Variants in TNFRSF21 observed in about 807,000 individuals in gnomAD.
TNFRSF21 encodes TNF receptor superfamily member 21.
In TNFRSF21, 19 loss-of-function variants were observed where a neutral mutation model predicts 45.6. The ratio of observed to expected loss-of-function variants is 0.42; its 90% confidence interval spans 0.29 to 0.61. The LOEUF is 0.61. TNFRSF21 is among the 20% of genes least tolerant of loss of function. TNFRSF21 has a pLI of 0.23. For synonymous variants in TNFRSF21, 314 were observed against 335.5 expected, an observed-to-expected ratio of 0.94 and a Z score of 0.70; for missense variants, 737 against 851.5, an observed-to-expected ratio of 0.87 and a Z score of 1.67.
rs755740604 is a variant in TNFRSF21 at position 47,286,529 on chromosome 6, G to T, written c.163C>A (p.Arg55Ser). ...TGGCCGGTGGCACGGTCAACATGGC[G>T]GTATGTGCCAATGAGATTCGAGGCC... ...QKASNLIGTY[R>S]HVDRATGQVL... is the part of the protein sequence containing the mutation. The change falls in exon 2 of 6, where the codon CGC (arginine) becomes AGC (serine). Residue 55 changes from arginine to serine, a missense_variant. Arg to Ser is a moderately radical substitution (Grantham distance 110). Transcript: ENST00000296861. 6.2e-7 allele frequency: 1 copy of T among 1,614,082 alleles called. No homozygotes were observed. The highest frequency in any genetic ancestry group is 1.1e-5 in the South Asian group (1 of 91,070).
intron 4 of TNFRSF21, among the ~76,000 whole-genome samples, chr6:47,238,063 GA>G (rs537367445): frequency 9.2e-5 from 14 of 152,132 alleles, no homozygotes; most frequent in African/African-American, 2.4e-4. Flanking sequence ...AAAAAAGAAA[GA>G]AAAAAAGATA....
intron 3 of TNFRSF21, among the ~76,000 whole-genome samples, chr6:47,269,027 A>G (rs1300568436): frequency 3.3e-5 from 5 of 152,214 alleles, no homozygotes; most frequent in Non-Finnish European, 7.3e-5. Flanking sequence ...CATGTCAAAT[A>G]TAAAGAGCAC....
intron 1 of TNFRSF21, among the ~76,000 whole-genome samples, chr6:47,294,335 G>A (rs1290595531): frequency 6.6e-6 from 1 of 152,144 alleles, no homozygotes. Context: ...GTAGAGACAG[G>A]GTTTCACCAT....
chr6:47,271,537 C>A (rs1454279935), intron 3 of TNFRSF21, among the ~76,000 whole-genome samples: 1 of 152,176 alleles, frequency 6.6e-6, no homozygotes. Context: ...AGAGAAACAA[C>A]CAGTATCAGC....
rs1420370260 is a variant in TNFRSF21, at chr6:47,283,969, C to G, written c.1212G>C (p.Arg404=). The stretch of plus-strand genomic sequence containing the variant: ...CATTGCAGTAGTAGATCCATTTCTC[C>G]CGGTTCTGGGTTGGAGTCATGGATT... ...LKKSMTPTQN[R]EKWIYYCNGH... The change falls in exon 3 of 6, where the codon CGG becomes CGC. Residue 404 remains arginine, a synonymous_variant. Transcript: ENST00000296861. The G allele has an allele frequency of 1.4e-5, 22 of 1,614,012 alleles. No individual in the cohort carries two copies. The highest frequency in any genetic ancestry group is 1.9e-5 in the Non-Finnish European group (22 of 1,180,010).
At chr6:47,277,575 T>C (rs879498619) in intron 3 of TNFRSF21, among the ~76,000 whole-genome samples, 1 of 152,228 alleles carries the variant, frequency 6.6e-6, no homozygotes, top group Non-Finnish European at 1.5e-5. Flanking sequence ...TTAGTATCCC[T>C]GTATTACACA....
At chr6:47,240,138 G>C (rs1764723529) in intron 4 of TNFRSF21, among the ~76,000 whole-genome samples, 1 of 152,014 alleles carries the variant, frequency 6.6e-6, no homozygotes, top group African/African-American at 2.4e-5. Flanking sequence ...ATACCACCAG[G>C]CCCCTTTTCC....
At chr6:47,277,042 G>C (rs551495534) in intron 3 of TNFRSF21, among the ~76,000 whole-genome samples, 4 of 152,176 alleles carry the variant, frequency 2.6e-5, no homozygotes, top group Non-Finnish European at 5.9e-5. Flanking sequence ...TGCCCAGGCT[G>C]AAGTACAGTG....
chr6:47,265,845 T>C (rs533790308), intron 3 of TNFRSF21, among the ~76,000 whole-genome samples: 1 of 152,310 alleles, frequency 6.6e-6, no homozygotes, highest in East Asian at 1.9e-4. Flanking sequence ...AAACACCCCA[T>C]AAATTCATTT....
At chr6:47,274,705 T>G in intron 3 of TNFRSF21, among the ~76,000 whole-genome samples, 1 of 152,098 alleles carries the variant, frequency 6.6e-6, no homozygotes, top group East Asian at 1.9e-4. Context: ...ACAGGCAGCC[T>G]ACGGAATGGG....
intron 2 of TNFRSF21, among the ~76,000 whole-genome samples, chr6:47,284,999 A>G (rs1004773589): frequency 6.6e-6 from 1 of 152,236 alleles, no homozygotes; most frequent in Non-Finnish European, 1.5e-5. Context: ...GACTTCTCTC[A>G]GAGAAGCCTC....
intron 1 of TNFRSF21, 100 bp downstream of exon 1, chr6:47,309,316 G>A: frequency 1.4e-6 from 2 of 1,424,174 alleles, no homozygotes; most frequent in Non-Finnish European, 1.8e-6. Flanking sequence ...GCCGGGCCCC[G>A]CGCCTCCCTA....
intron 3 of TNFRSF21, among the ~76,000 whole-genome samples, chr6:47,256,559 T>A (rs113556475): frequency 3.6e-4 from 55 of 152,112 alleles, no homozygotes; most frequent in African/African-American, 1.3e-3. Flanking sequence ...TTAAAAAGGA[T>A]GCCACAAATT....
chr6:47,285,473 A>G (rs1415555449), intron 2 of TNFRSF21, among the ~76,000 whole-genome samples: 1 of 152,126 alleles, frequency 6.6e-6, no homozygotes, highest in Non-Finnish European at 1.5e-5. Context: ...TGGATTCAAA[A>G]TTCATCTCTC....
In TNFRSF21 at chr6:47,246,566, A is replaced by C. The variant is rs1244532525; in HGVS notation, c.1509+6690T>G. On this transcript the variant is annotated intron_variant, in intron 4 of 5. Transcript: ENST00000296861. The stretch of plus-strand genomic sequence containing the variant: ...AGTTCCTGGAGATTCAAAGTTCAAT[A>C]TCTAGCACGTGACATGAACTGGGAT... Among the ~76,000 whole-genome samples, 3 of 152,216 alleles carry C rather than the reference A, an allele frequency of 2.0e-5. No individual in the cohort carries two copies. In the South Asian group the frequency reaches 6.2e-4, roughly 32 times the overall value.
intron 3 of TNFRSF21, among the ~76,000 whole-genome samples, chr6:47,270,762 C>A (rs967925235): frequency 6.6e-6 from 1 of 151,808 alleles, no homozygotes; most frequent in Non-Finnish European, 1.5e-5. Flanking sequence ...AAGCTAAAAA[C>A]CTTGAAAAAA....
chr6:47,283,565 G>A (rs1006450658), intron 3 of TNFRSF21, among the ~76,000 whole-genome samples: 13 of 152,104 alleles, frequency 8.5e-5, no homozygotes, highest in African/African-American at 2.2e-4. Flanking sequence ...CAGGAGTCTC[G>A]TCCCATCTGT....
chr6:47,309,579 C>T lies in TNFRSF21; in HGVS notation c.-68G>A. 1 of 1,377,554 alleles carries T rather than the reference C, an allele frequency of 7.3e-7. No homozygotes were observed. Among genetic ancestry groups the T allele is most frequent in the Non-Finnish European group, 9.3e-7 (1 of 1,075,244 alleles). The allele number at this position is 1,377,554 out of a possible 1,614,324, so 85.3% of individuals were successfully genotyped here. ...CAGCTGGAATCGGCGGCTGCTTCTG[C>T]CCAGCGCCGCATCCACCGCCGCCTC... On this transcript the variant is annotated 5_prime_UTR_variant, in exon 1 of 6. Transcript: ENST00000296861.
intron 4 of TNFRSF21, among the ~76,000 whole-genome samples, chr6:47,240,683 C>T (rs1179840361): frequency 1.3e-5 from 2 of 152,184 alleles, no homozygotes; most frequent in South Asian, 2.1e-4. Flanking sequence ...CGAGCCCCTC[C>T]GCTAGAGTGA....
Sources: allele counts gnomAD v4.1 joint callset (sites outside exome capture counted in the v4.1 genomes callset), GRCh38; gene constraint gnomAD v4.1.1; transcripts MANE v1.5; gene names NCBI Gene and HGNC (gene_info 2026-07-23, HGNC 2026-07-21).